Variants in TRAPPC10 observed in about 807,000 individuals in gnomAD.
TRAPPC10 encodes the protein TRAPP 130 kDa subunit.
A neutral mutation model predicts 125.5 loss-of-function variants in TRAPPC10; 23 were observed. The ratio of observed to expected loss-of-function variants is 0.18; its 90% CI spans 0.13 to 0.26. The LOEUF (loss-of-function observed/expected upper bound fraction) is 0.26, where lower values mean the gene tolerates loss of function less well. TRAPPC10 is among the 10% of genes least tolerant of loss of function. The pLI is 1.00. For missense variants in TRAPPC10, 1,123 were observed against 1,308.4 expected (o/e 0.86, Z 2.19); for synonymous variants, 509 against 518.0 (o/e 0.98, Z 0.24).
chr21:44,070,898 G>C (rs571479751), intron 7 of TRAPPC10, among the ~76,000 whole-genome samples: 6 of 152,134 alleles, frequency 3.9e-5, no homozygotes, highest in East Asian at 1.9e-4. Flanking sequence ...GGGCGTCTTC[G>C]GACCCTGAGA....
intron 18 of TRAPPC10, 40 bp from the exon 19 acceptor site, chr21:44,091,883 C>T: frequency 6.3e-7 from 1 of 1,595,250 alleles, no homozygotes; most frequent in Non-Finnish European, 8.6e-7. Context: ...TAATAAAGTT[C>T]TTACATATCA....
chr21:44,077,439 A>G lies in TRAPPC10; in HGVS notation c.1378-254A>G, dbSNP rs200204647. Among the ~76,000 whole-genome samples the G allele has an allele frequency of 3.9e-5, 6 of 152,278 alleles. No homozygotes were observed. The East Asian group carries it at 7.7e-4, about 20-fold the overall frequency. ...CCTGTCTCTGCTAAAGATACAAAAA[A>G]TTAGCCGGGCCTGGTGGCGCCTGTA... is the stretch of plus-strand genomic sequence containing the variant. On this transcript the variant is annotated intron_variant, in intron 10 of 22. Transcript: ENST00000291574.
chr21:44,076,562 T>G lies in TRAPPC10; in HGVS notation c.1311T>G (p.Ala437=). 1 of 1,614,066 alleles carries G rather than the reference T, an allele frequency of 6.2e-7. No homozygotes were observed. The highest frequency in any genetic ancestry group is 8.5e-7 in the Non-Finnish European group (1 of 1,179,932). ...GAERPETANT[A]QSPYKKLKEA... ...TTCTTTCTGTTTAAGCCAACACAGC[T>G]CAGAGTCCTTATAAGAAACTGAAAG... is the stretch of plus-strand genomic sequence containing the variant. The change falls in exon 10 of 23, where the codon GCT becomes GCG. Residue 437 remains alanine, a synonymous_variant. Coordinates refer to ENST00000291574, the MANE Select transcript of TRAPPC10 (RefSeq NM_003274.5).
At chr21:44,018,751 G>A (rs2032162447) in intron 1 of TRAPPC10, among the ~76,000 whole-genome samples, 2 of 151,934 alleles carry the variant, frequency 1.3e-5, no homozygotes, top group South Asian at 4.2e-4. Flanking sequence ...TCCTTAGAGA[G>A]TTTTTGCTGT....
At chr21:44,043,245 A>ACCCTGTTGC (rs2034542125) in intron 3 of TRAPPC10, among the ~76,000 whole-genome samples, 1 of 96,288 alleles carries the variant, frequency 1.0e-5, no homozygotes, top group Admixed American at 1.6e-4. Context: ...ATGGAGTCTT[A>ACCCTGTTGC]CCCTGTTGCC....
chr21:44,073,772 T>C (rs964500494), intron 7 of TRAPPC10, among the ~76,000 whole-genome samples: 3 of 152,188 alleles, frequency 2.0e-5, no homozygotes, highest in Non-Finnish European at 4.4e-5. Context: ...ATATACTGTC[T>C]TTATCACGCC....
chr21:44,081,386 T>C (rs1228836690), intron 13 of TRAPPC10, among the ~76,000 whole-genome samples: 2 of 151,550 alleles, frequency 1.3e-5, no homozygotes, highest in Non-Finnish European at 2.9e-5. Context: ...CTTTAACTCC[T>C]GAGCTCAAGG....
intron 1 of TRAPPC10, among the ~76,000 whole-genome samples, chr21:44,016,945 G>A (rs896751975): frequency 5.3e-5 from 8 of 152,170 alleles, no homozygotes; most frequent in African/African-American, 1.2e-4. Flanking sequence ...ATGAGCCACC[G>A]CGCCCAGCCA....
intron 9 of TRAPPC10, among the ~76,000 whole-genome samples, chr21:44,075,667 G>A (rs2037224615): frequency 6.6e-6 from 1 of 152,106 alleles, no homozygotes; most frequent in Non-Finnish European, 1.5e-5. Context: ...TTAATTTTTT[G>A]TAGAGATGGA....
chr21:44,016,599 G>A (rs1307239374), intron 1 of TRAPPC10, among the ~76,000 whole-genome samples: 5 of 152,218 alleles, frequency 3.3e-5, no homozygotes, highest in African/African-American at 1.2e-4. Flanking sequence ...GAGCAGATAT[G>A]TAGAGCTTCG....
chr21:44,012,491 C>A lies in TRAPPC10; in HGVS notation c.-3C>A. ...GGGGCCGGGCCGGTGACGCCGGACG[C>A]CCATGGACGCCTCTGAGGAGCCGCT... On this transcript the variant is annotated 5_prime_UTR_variant, in exon 1 of 23. Coordinates refer to ENST00000291574, the MANE Select transcript of TRAPPC10 (RefSeq NM_003274.5). The A allele has an allele frequency of 6.6e-7, 1 of 1,514,518 alleles. No homozygotes were observed. Among genetic ancestry groups the A allele is most frequent in the South Asian group, 1.2e-5 (1 of 81,820 alleles). The allele number at this position is 1,514,518 out of a possible 1,614,324, so 93.8% of individuals were successfully genotyped here.
intron 7 of TRAPPC10, among the ~76,000 whole-genome samples, chr21:44,070,508 A>C (rs746292201): frequency 5.3e-5 from 8 of 152,162 alleles, no homozygotes; most frequent in Non-Finnish European, 8.8e-5. Context: ...GGCAGAGCGG[A>C]GGCTTGGTCT....
rs1318065401 is a variant in TRAPPC10 at position 44,094,182 on chromosome 21, G to T, written c.3117G>T (p.Leu1039=). ...VGFSPASEEQ[L]SISLKPYTYE... Reference sequence around the variant, plus strand: ...TTTCCCCAGCTTCTGAGGAACAGCTGTCTATCTCCTTAAAGCCGTATACTT... The same window carrying T: ...TTTCCCCAGCTTCTGAGGAACAGCTTTCTATCTCCTTAAAGCCGTATACTT... Residue 1039 remains leucine, a synonymous_variant, in exon 20 of 23, where the codon CTG becomes CTT. Transcript: ENST00000291574. 6.2e-7 allele frequency: 1 copy of T among 1,614,050 alleles called. No homozygotes were observed. Among genetic ancestry groups the T allele is most frequent in the African/African-American group, 1.3e-5 (1 of 74,902 alleles).
At chr21:44,017,204 G>A (rs1275511769) in intron 1 of TRAPPC10, among the ~76,000 whole-genome samples, 1 of 152,190 alleles carries the variant, frequency 6.6e-6, no homozygotes, top group Admixed American at 6.5e-5. Flanking sequence ...TATGTATTTG[G>A]AGGCGGGGAC....
At position 44,092,054 on chromosome 21, in the gene TRAPPC10, ACAT is replaced by A. The variant is rs1333265070; in HGVS notation, c.2997+6_2997+8del. ...CTGAACACGCAGTCCCAGCAGGTAA[ACAT>A]TGTGTAGACCTGAGCATAAACTTCT... On this transcript the variant is annotated splice_donor_region_variant and intron_variant, in intron 19 of 22. Coordinates refer to ENST00000291574, the MANE Select transcript of TRAPPC10 (RefSeq NM_003274.5). The A allele has an allele frequency of 6.2e-7, 1 of 1,613,816 alleles. No individual in the cohort carries two copies. Among genetic ancestry groups the A allele is most frequent in the African/African-American group, 1.3e-5 (1 of 74,922 alleles).
chr21:44,086,861 A>G lies in TRAPPC10; in HGVS notation c.2440A>G (p.Thr814Ala). The G allele has an allele frequency of 6.2e-7, 1 of 1,614,110 alleles. No individual in the cohort carries two copies. Residue 814 changes from threonine (T) to alanine (A), a missense_variant, in exon 16 of 23, where the codon ACG (threonine) becomes GCG (alanine). Coordinates refer to ENST00000291574, the MANE Select transcript of TRAPPC10 (RefSeq NM_003274.5). Reference protein sequence around the residue: ...VKFTVTTGHYTIKNGDSLQLS... With the variant: ...VKFTVTTGHYAIKNGDSLQLS... ...GTTCACTGTCACTACCGGCCATTAT[A>G]CGATAAAGAATGGAGACAGCCTGCA...
In TRAPPC10 at chr21:44,013,497, A is replaced by C. The variant is rs567148956; in HGVS notation, c.67+937A>C. ...AGTTGTCTTTCGTGCTTGGAAAGGA[A>C]GCACTCTCTGTTGCAAAATCTGGGT... On this transcript the variant is annotated intron_variant, in intron 1 of 22. Transcript: ENST00000291574. 1.7e-3 allele frequency among the ~76,000 whole-genome samples: 260 copies of C among 152,300 alleles called. 2 individuals carry two copies. Among genetic ancestry groups the C allele is most frequent in the African/African-American group, 6.0e-3 (248 of 41,558 alleles).
At chr21:44,074,279 C>G (rs746024576) in intron 7 of TRAPPC10, 45 bp from the exon 8 acceptor site, 1 of 1,611,248 alleles carries the variant, frequency 6.2e-7, no homozygotes, top group Non-Finnish European at 8.5e-7. Flanking sequence ...CAAGCTAGAG[C>G]TGTCCCGGAG....
chr21:44,029,630 C>T (rs1374783821), intron 1 of TRAPPC10, among the ~76,000 whole-genome samples: 1 of 152,180 alleles, frequency 6.6e-6, no homozygotes, highest in Non-Finnish European at 1.5e-5. Flanking sequence ...GCCACAGAGT[C>T]ACACAGTCTG....
Sources: gnomAD v4.1 joint callset for allele counts (sites outside exome capture counted in the v4.1 genomes callset) on GRCh38, gnomAD v4.1.1 for gene constraint, MANE v1.5 for transcripts, NCBI Gene and HGNC (gene_info 2026-07-23, HGNC 2026-07-21) for gene names.